The following NCOR1 variants were observed in gnomAD, a reference collection of about 807,000 sequenced individuals.
The protein encoded by NCOR1 is nuclear receptor corepressor 1, also known as protein phosphatase 1, regulatory subunit 109.
A neutral mutation model predicts 288.1 loss-of-function variants in NCOR1; 63 were observed. The ratio of observed to expected loss-of-function variants is 0.22; its 90% CI spans 0.18 to 0.27. NCOR1 has a LOEUF of 0.27. Among genes scored for constraint, NCOR1 ranks in the 10% least tolerant of loss-of-function variants. The pLI, the probability that NCOR1 is intolerant of heterozygous loss-of-function variation, is 1.00. For missense variants in NCOR1, 2,397 were observed against 3,019.2 expected (o/e 0.79, Z 4.83); for synonymous variants, 1,007 against 1,065.9 (o/e 0.94, Z 1.08).
At chr17:16,041,924 G>A (rs993886983) in intron 42 of NCOR1, among the ~76,000 whole-genome samples, 1 of 152,024 alleles carries the variant, frequency 6.6e-6, no homozygotes, top group Non-Finnish European at 1.5e-5. Context: ...TTTTAGTAGA[G>A]ATGGGATTTC....
intron 8 of NCOR1, among the ~76,000 whole-genome samples, chr17:16,149,793 A>G (rs1286926174): frequency 6.6e-6 from 1 of 152,198 alleles, no homozygotes; most frequent in Non-Finnish European, 1.5e-5. Flanking sequence ...AATATTTTCA[A>G]ATTAAAATTA....
At chr17:16,081,843 A>G (rs983178955) in intron 23 of NCOR1, among the ~76,000 whole-genome samples, 4 of 152,234 alleles carry the variant, frequency 2.6e-5, no homozygotes, top group Non-Finnish European at 2.9e-5. Context: ...AAACTCCAAC[A>G]TATTCCCTAG....
At chr17:16,113,244 C>T (rs1441716831) in intron 18 of NCOR1, among the ~76,000 whole-genome samples, 1 of 150,350 alleles carries the variant, frequency 6.7e-6, no homozygotes, top group East Asian at 2.0e-4. Context: ...GAAAAGTAAC[C>T]ATTTTCCAAA....
chr17:16,151,679 A>G, intron 8 of NCOR1: 1 of 1,311,566 alleles, frequency 7.6e-7, no homozygotes, highest in Non-Finnish European at 1.0e-6. Flanking sequence ...TTTCAATGTT[A>G]AGTATCCACC....
intron 45 of NCOR1, among the ~76,000 whole-genome samples, chr17:16,033,714 A>G (rs932069950): frequency 6.6e-6 from 1 of 152,242 alleles, no homozygotes; most frequent in African/African-American, 2.4e-5. Flanking sequence ...CATTAAGTTT[A>G]CAAATAGGCA....
intron 21 of NCOR1, among the ~76,000 whole-genome samples, chr17:16,096,778 T>G (rs756221557): frequency 6.6e-6 from 1 of 152,144 alleles, no homozygotes; most frequent in Non-Finnish European, 1.5e-5. Flanking sequence ...TAGCACTCCC[T>G]AACCCAAGCC....
chr17:16,143,548 C>T (rs886643521), intron 11 of NCOR1, 58 bp downstream of exon 11: 8 of 1,354,040 alleles, frequency 5.9e-6, no homozygotes, highest in Admixed American at 1.7e-5. Flanking sequence ...TTAGCTCCTA[C>T]AGAGTTAAAA....
At chr17:16,144,166 C>T (rs2077524294) in intron 10 of NCOR1, among the ~76,000 whole-genome samples, 1 of 152,146 alleles carries the variant, frequency 6.6e-6, no homozygotes, top group Non-Finnish European at 1.5e-5. Flanking sequence ...TGTAAAATAT[C>T]TGTTTGCTAA....
chr17:16,070,107 T>G (rs984127949), intron 31 of NCOR1, 58 bp downstream of exon 31: 6 of 1,508,418 alleles, frequency 4.0e-6, no homozygotes, highest in Non-Finnish European at 5.3e-6. Context: ...ACAAAGGTTT[T>G]TTTTTTTTTT....
In NCOR1 at chr17:16,057,649, G is replaced by A. The variant is rs1324427668; in HGVS notation, c.6257C>T (p.Ser2086Phe). Reference sequence around the variant, plus strand: ...CCTCACAGGTGTAGATACCAAAGCAGAAGGTGAGTTCTGGAATGTAGAAGT... The same window carrying A: ...CCTCACAGGTGTAGATACCAAAGCAAAAGGTGAGTTCTGGAATGTAGAAGT... Reference protein sequence around the residue: ...PPTSTFQNSPSALVSTPVRTK... With the variant: ...PPTSTFQNSPFALVSTPVRTK... Residue 2086 changes from serine (S) to phenylalanine (F), a missense_variant, in exon 40 of 46, where the codon TCT becomes TTT. Around this residue, in one of 11 missense-constraint regions of NCOR1, gnomAD observed 1,872 missense variants for 2,187.8 expected, o/e 0.86. Coordinates refer to ENST00000268712, the MANE Select transcript of NCOR1 (RefSeq NM_006311.4). 6.2e-7 allele frequency: 1 copy of A among 1,613,982 alleles called. No individual in the cohort carries two copies. Among genetic ancestry groups the A allele is most frequent in the Non-Finnish European group, 8.5e-7 (1 of 1,179,984 alleles).
intron 21 of NCOR1, among the ~76,000 whole-genome samples, chr17:16,092,467 A>C (rs2065331179): frequency 6.6e-6 from 1 of 151,622 alleles, no homozygotes; most frequent in Admixed American, 6.6e-5. Flanking sequence ...AGCCTGGGCA[A>C]CACAGCAAGA....
intron 10 of NCOR1, 58 bp from the exon 11 acceptor site, chr17:16,143,754 A>G: frequency 7.9e-7 from 1 of 1,262,580 alleles, no homozygotes; most frequent in East Asian, 2.5e-5. Context: ...AGACATATCA[A>G]TTAAATTAAC....
chr17:16,121,007 C>A (rs774527141), intron 16 of NCOR1, 45 bp downstream of exon 16: 3 of 1,546,788 alleles, frequency 1.9e-6, no homozygotes, highest in Admixed American at 1.8e-5. Flanking sequence ...GAAACAGAAT[C>A]CCGAACAAAA....
Position 16,072,186 on chromosome 17 carries a change from T to C in NCOR1, c.3854A>G (p.Asp1285Gly), listed in dbSNP as rs1311574800. Residue 1285 changes from aspartate to glycine, a missense_variant, in exon 29 of 46, where the codon GAC becomes GGC. Physicochemically the swap from Asp to Gly is moderately conservative, Grantham distance 94 (BLOSUM62 -1). Transcript: ENST00000268712. ...AGACAATACAGTCCTTTCTTTGAGG[T>C]CAGAATGAGGACTCCCCCTGGGTAA... ...RALPRGSPHS[D>G]LKERTVLSGS... 1 of 1,612,872 alleles carries C rather than the reference T, an allele frequency of 6.2e-7. No homozygotes were observed. Among genetic ancestry groups the C allele is most frequent in the East Asian group, 2.2e-5 (1 of 44,820 alleles).
intron 23 of NCOR1, 136 bp downstream of exon 23, chr17:16,086,146 T>C (rs2064191837): frequency 2.0e-6 from 2 of 1,003,930 alleles, no homozygotes; most frequent in Non-Finnish European, 3.0e-6. Flanking sequence ...CATCTTCTGG[T>C]CATTATCTCT....
At chr17:16,055,945 A>T (rs1224347688) in intron 40 of NCOR1, among the ~76,000 whole-genome samples, 2 of 152,184 alleles carry the variant, frequency 1.3e-5, no homozygotes, top group Non-Finnish European at 2.9e-5. Context: ...GGTCGGGGCA[A>T]GCGGGGATGA....
At chr17:16,077,144 C>A (rs2062581937) in intron 26 of NCOR1, among the ~76,000 whole-genome samples, 1 of 152,116 alleles carries the variant, frequency 6.6e-6, no homozygotes. Flanking sequence ...CGCCTGTAAT[C>A]CCAGCACTGT....
At chr17:16,202,589 T>C (rs2090979792) in intron 1 of NCOR1, among the ~76,000 whole-genome samples, 1 of 152,204 alleles carries the variant, frequency 6.6e-6, no homozygotes, top group Non-Finnish European at 1.5e-5. Context: ...TACCATTTAC[T>C]GAGCTCTAGA....
At chr17:16,089,802 C>T (rs958208301) in intron 22 of NCOR1, among the ~76,000 whole-genome samples, 1 of 152,024 alleles carries the variant, frequency 6.6e-6, no homozygotes, top group Non-Finnish European at 1.5e-5. Flanking sequence ...AAAGGTTATC[C>T]TATACACTGA....
Sources: gnomAD v4.1 joint callset for allele counts (sites outside exome capture counted in the v4.1 genomes callset) on GRCh38, gnomAD v4.1.1 for gene constraint, gnomAD v4.1.1 regional missense constraint, MANE v1.5 for transcripts, NCBI Gene and HGNC (gene_info 2026-07-23, HGNC 2026-07-21) for gene names.